Variants in PSMA3 observed in about 807,000 individuals in gnomAD.
The protein encoded by PSMA3 is proteasome 20S subunit alpha 3.
In PSMA3, 8 loss-of-function variants were observed where a neutral mutation model predicts 40.0. The ratio of observed to expected loss-of-function variants is 0.20; its 90% CI spans 0.12 to 0.36. The LOEUF (loss-of-function observed/expected upper bound fraction) is 0.36, where lower values mean the gene tolerates loss of function less well. Ranked by LOEUF, PSMA3 falls within the 10% of genes least tolerant of loss-of-function variation. The probability of loss-of-function intolerance (pLI) is 1.00; values close to 1 mark genes in which losing one functional copy is unlikely to be tolerated. For missense variants in PSMA3, 219 were observed against 310.6 expected, an observed-to-expected ratio of 0.70 and a Z score of 2.22; for synonymous variants, 110 against 100.0, an observed-to-expected ratio of 1.10 and a Z score of -0.59.
chr14:58,253,645 G>A (rs749502513), intron 3 of PSMA3, among the ~76,000 whole-genome samples: 1 of 152,136 alleles, frequency 6.6e-6, no homozygotes, highest in Non-Finnish European at 1.5e-5. Context: ...CCAGGAAGGA[G>A]TGCAATGGCG....
At position 58,267,491 on chromosome 14, in the gene PSMA3, C is replaced by T; in HGVS notation, c.561C>T (p.Cys187=). The change falls in exon 8 of 11, where the codon TGC becomes TGT. Residue 187 remains cysteine, a synonymous_variant. Transcript: ENST00000216455. ...IEKLQMKEMT[C]RDIVKEVAKI... is the part of the protein sequence containing the mutation. ...TTCTATAGATGAAAGAAATGACCTG[C>T]CGTGATATCGTTAAAGAAGTTGCAA... is the stretch of plus-strand genomic sequence containing the variant. The T allele has an allele frequency of 6.4e-7, 1 of 1,569,222 alleles. No homozygotes were observed. The highest frequency in any genetic ancestry group is 8.6e-7 in the Non-Finnish European group (1 of 1,163,336).
Position 58,257,683 on chromosome 14 carries a change from A to G in PSMA3, c.229-62A>G, listed in dbSNP as rs1890176181. 5 of 1,411,368 alleles carry G rather than the reference A, an allele frequency of 3.5e-6. No individual in the cohort carries two copies. In the Admixed American group the frequency reaches 9.0e-5, roughly 25 times the overall value. The allele number at this position is 1,411,368 out of a possible 1,614,324, so 87.4% of individuals were successfully genotyped here. ...AAAAATGTTTAATAAGTCTTTATTA[A>G]TTGCAGACTTTGATTTGTGATAGGA... On this transcript the variant is annotated intron_variant, in intron 3 of 10. Transcript: ENST00000216455.
intron 2 of PSMA3, 108 bp downstream of exon 2, chr14:58,247,940 C>G (rs1889915448): frequency 6.0e-6 from 4 of 670,876 alleles, no homozygotes; most frequent in Non-Finnish European, 2.5e-6. Context: ...GTCCCCAAAT[C>G]TCAATTTATT....
chr14:58,252,358 C>T, intron 3 of PSMA3, 116 bp downstream of exon 3: 1 of 1,302,402 alleles, frequency 7.7e-7, no homozygotes, highest in Non-Finnish European at 1.0e-6. Context: ...CTGCATTTGT[C>T]CAGTTCACTG....
At chr14:58,260,498 A>G (rs1890251236) in intron 5 of PSMA3, among the ~76,000 whole-genome samples, 1 of 152,240 alleles carries the variant, frequency 6.6e-6, no homozygotes. Context: ...GCACAGAAAA[A>G]TACACTGAAC....
At chr14:58,261,167 T>G in intron 6 of PSMA3, 147 bp downstream of exon 6, 1 of 615,180 alleles carries the variant, frequency 1.6e-6, no homozygotes, top group Non-Finnish European at 2.7e-6. Context: ...CAACAACCTC[T>G]TGTCCAACAG....
At chr14:58,259,124 G>A (rs954586596) in intron 5 of PSMA3, among the ~76,000 whole-genome samples, 1 of 151,980 alleles carries the variant, frequency 6.6e-6, no homozygotes, top group African/African-American at 2.4e-5. Context: ...TAGAGACGGG[G>A]TCTCACCATG....
intron 5 of PSMA3, 45 bp from the exon 6 acceptor site, chr14:58,260,903 T>C (rs1278761763): frequency 3.7e-6 from 5 of 1,360,800 alleles, no homozygotes; most frequent in Non-Finnish European, 5.1e-6. Flanking sequence ...ACAAATACTT[T>C]TATGTTATTG....
intron 3 of PSMA3, 42 bp from the exon 4 acceptor site, chr14:58,257,703 A>G (rs918279083): frequency 1.3e-6 from 2 of 1,494,778 alleles, no homozygotes; most frequent in African/African-American, 2.8e-5. Flanking sequence ...TTGATTTGTG[A>G]TAGGAATGTG....
At chr14:58,267,717 G>A (rs141293930) in intron 8 of PSMA3, 197 bp downstream of exon 8, 3 of 1,025,420 alleles carry the variant, frequency 2.9e-6, no homozygotes, top group Non-Finnish European at 3.7e-6. Context: ...GTAATGAATA[G>A]GATGGGAAAA....
intron 7 of PSMA3, 90 bp downstream of exon 7, chr14:58,263,860 GT>G: frequency 1.7e-6 from 2 of 1,207,324 alleles, no homozygotes; most frequent in Non-Finnish European, 2.4e-6. Flanking sequence ...AGGCAGGGAT[GT>G]CCAATCATTT....
chr14:58,252,251 A>C lies in PSMA3; in HGVS notation c.228+9A>C, dbSNP rs1477205030. The C allele has an allele frequency of 2.5e-6, 4 of 1,601,606 alleles. No homozygotes were observed. In the Admixed American group the frequency reaches 7.1e-5, roughly 29 times the overall value. On this transcript the variant is annotated intron_variant, in intron 3 of 10. Coordinates refer to ENST00000216455, the MANE Select transcript of PSMA3 (RefSeq NM_002788.4). ...ATCGGCATGTTGGAATGGTAAGGTC[A>C]TGTTTAAAATGTTCCTTTTTGTCTT...
At chr14:58,246,538 A>G (rs1352771283) in intron 1 of PSMA3, among the ~76,000 whole-genome samples, 1 of 152,146 alleles carries the variant, frequency 6.6e-6, no homozygotes, top group East Asian at 1.9e-4. Flanking sequence ...AGCTGGGACT[A>G]CAGGTGCGCA....
chr14:58,266,157 A>G (rs767279847), intron 7 of PSMA3: 1 of 152,180 alleles, frequency 6.6e-6, no homozygotes, highest in Non-Finnish European at 1.5e-5. Context: ...TTGTACCCAA[A>G]TAATGGTTTG....
At chr14:58,270,249 CTG>C (rs951134324) in intron 8 of PSMA3, 167 bp from the exon 9 acceptor site, 2 of 916,898 alleles carry the variant, frequency 2.2e-6, no homozygotes, top group Non-Finnish European at 3.1e-6. Flanking sequence ...ATTTCAGTCC[CTG>C]TGTAATTTGT....
At chr14:58,267,567 C>T (rs1890480652) in intron 8 of PSMA3, 47 bp downstream of exon 8, 1 of 1,538,024 alleles carries the variant, frequency 6.5e-7, no homozygotes. Context: ...TTCATTTGAC[C>T]TTTGCATATA....
intron 1 of PSMA3, among the ~76,000 whole-genome samples, chr14:58,246,142 T>A (rs61450169): frequency 0.29 from 44,332 of 152,016 alleles, 6,749 homozygotes; most frequent in East Asian, 0.51. Context: ...CTGAAGGCTT[T>A]TCTTCTGTCT....
chr14:58,261,710 C>T lies in PSMA3; in HGVS notation c.477+690C>T, dbSNP rs893745578. ...CAGCCTCTCAACTCCTGGGCTCAGG[C>T]GATCCTCCTACCTAAGCCTCCCAAG... is the stretch of plus-strand genomic sequence containing the variant. On this transcript the variant is annotated intron_variant, in intron 6 of 10. Coordinates refer to ENST00000216455, the MANE Select transcript of PSMA3 (RefSeq NM_002788.4). Among the ~76,000 whole-genome samples the T allele has an allele frequency of 3.3e-5, 5 of 151,574 alleles. No individual in the cohort carries two copies. In the South Asian group the frequency reaches 8.4e-4, roughly 25 times the overall value.
rs3830963 is a variant in PSMA3, at chr14:58,271,965, A to AT, written c.*71dup. On this transcript the variant is annotated 3_prime_UTR_variant, in exon 11 of 11. Transcript: ENST00000216455. ...CAATGTAACTATTTAGCCCTGGATT[A>AT]TACATACTGTCCAATTTTCATTAAA... The AT allele has an allele frequency of 1.9e-4, 209 of 1,121,692 alleles. 2 individuals are homozygous for AT. In the East Asian group the frequency reaches 4.7e-3, roughly 25 times the overall value. 69.5% of individuals were successfully genotyped at this position (1,121,692 alleles called of 1,614,324 possible).
Sources: gnomAD v4.1 joint callset for allele counts (sites outside exome capture counted in the v4.1 genomes callset) on GRCh38, gnomAD v4.1.1 for gene constraint, MANE v1.5 for transcripts, NCBI Gene and HGNC (gene_info 2026-07-23, HGNC 2026-07-21) for gene names.